The following GRID2 variants were observed in gnomAD, a reference collection of about 807,000 sequenced individuals.
GRID2 encodes glutamate ionotropic receptor delta type subunit 2.
GRID2 carries 33 observed loss-of-function variants against 114.8 expected under a neutral mutation model. The observed-to-expected ratio is 0.29, with a 90% CI of 0.22 to 0.38. The LOEUF (loss-of-function observed/expected upper bound fraction) is 0.38, where lower values mean the gene tolerates loss of function less well. Among genes scored for constraint, GRID2 ranks in the 10% least tolerant of loss-of-function variants. The probability of loss-of-function intolerance (pLI) is 1.00; values close to 1 mark genes in which losing one functional copy is unlikely to be tolerated. For synonymous variants in GRID2, 505 were observed against 449.9 expected (o/e 1.12, Z -1.55); for missense variants, 1,184 against 1,257.7 (o/e 0.94, Z 0.89).
At chr4:93,220,615 C>G (rs1475206422) in intron 6 of GRID2, among the ~76,000 whole-genome samples, 1 of 152,100 alleles carries the variant, frequency 6.6e-6, no homozygotes, top group Non-Finnish European at 1.5e-5. Flanking sequence ...AATCTTCAAG[C>G]AATATTGATA....
chr4:93,126,213 C>T (rs916459542), intron 4 of GRID2, among the ~76,000 whole-genome samples: 4 of 151,974 alleles, frequency 2.6e-5, no homozygotes, highest in Non-Finnish European at 4.4e-5. Context: ...ACTACATGTT[C>T]TCTAATTTGG....
intron 1 of GRID2, among the ~76,000 whole-genome samples, chr4:92,506,526 T>C (rs896500915): frequency 2.0e-5 from 3 of 151,952 alleles, no homozygotes; most frequent in East Asian, 1.9e-4. Flanking sequence ...GTTGATTATA[T>C]TGGGAAAAGT....
At chr4:93,548,349 C>T (rs768298816) in intron 13 of GRID2, among the ~76,000 whole-genome samples, 65 of 152,122 alleles carry the variant, frequency 4.3e-4, no homozygotes, top group Non-Finnish European at 8.5e-4. Flanking sequence ...AAACTAGAGG[C>T]ACTTGAACGG....
chr4:92,914,174 A>C (rs936163647), intron 2 of GRID2, among the ~76,000 whole-genome samples: 4 of 152,162 alleles, frequency 2.6e-5, no homozygotes, highest in African/African-American at 4.8e-5. Context: ...GTACATATTT[A>C]ATAATGTATA....
At chr4:93,267,677 T>C (rs1373227446) in intron 8 of GRID2, among the ~76,000 whole-genome samples, 1 of 152,086 alleles carries the variant, frequency 6.6e-6, no homozygotes, top group East Asian at 1.9e-4. Flanking sequence ...CTCAGTCCAG[T>C]CCCACAAAGG....
chr4:92,599,028 CTTTTTTTT>C (rs79836874), intron 2 of GRID2, among the ~76,000 whole-genome samples: 1 of 115,290 alleles, frequency 8.7e-6, no homozygotes, highest in Non-Finnish European at 1.8e-5. Flanking sequence ...AATGCTTTTC[CTTTTTTTT>C]TTTTTTTTTT....
intron 1 of GRID2, among the ~76,000 whole-genome samples, chr4:92,559,606 G>C (rs751121966): frequency 3.3e-5 from 5 of 152,134 alleles, no homozygotes; most frequent in Non-Finnish European, 5.9e-5. Context: ...AGCAAGGTAT[G>C]AGTCAAAGAT....
chr4:93,730,914 GC>G (rs1730427217), intron 14 of GRID2, among the ~76,000 whole-genome samples: 1 of 152,196 alleles, frequency 6.6e-6, no homozygotes, highest in Non-Finnish European at 1.5e-5. Flanking sequence ...GAGGCCTGAG[GC>G]CTTGACTGCA....
intron 2 of GRID2, among the ~76,000 whole-genome samples, chr4:92,675,539 G>C (rs890305262): frequency 6.7e-6 from 1 of 148,170 alleles, no homozygotes; most frequent in African/African-American, 2.5e-5. Flanking sequence ...ACCAGTCTCT[G>C]TTTGGGCTAC....
chr4:92,688,666 C>T (rs969947004), intron 2 of GRID2, among the ~76,000 whole-genome samples: 18 of 152,280 alleles, frequency 1.2e-4, no homozygotes, highest in African/African-American at 3.8e-4. Flanking sequence ...GCTGTTTCCA[C>T]CACATCTGCA....
intron 8 of GRID2, chr4:93,302,714 T>C (rs1755008519): frequency 2.5e-6 from 1 of 393,020 alleles, no homozygotes; most frequent in Non-Finnish European, 5.0e-6. Flanking sequence ...CTATTATGCC[T>C]GTTTCCTATT....
intron 1 of GRID2, among the ~76,000 whole-genome samples, chr4:92,531,340 T>A (rs898423604): frequency 6.6e-6 from 1 of 152,062 alleles, no homozygotes; most frequent in Non-Finnish European, 1.5e-5. Context: ...GAACATAATG[T>A]AAAAACACAG....
intron 2 of GRID2, among the ~76,000 whole-genome samples, chr4:92,800,588 T>A (rs1335901157): frequency 6.6e-6 from 1 of 151,986 alleles, no homozygotes; most frequent in Non-Finnish European, 1.5e-5. Context: ...ATTACTGCTG[T>A]TTACAGCCAG....
At chr4:93,219,725 A>T (rs1484001443) in intron 6 of GRID2, among the ~76,000 whole-genome samples, 1 of 152,220 alleles carries the variant, frequency 6.6e-6, no homozygotes, top group African/African-American at 2.4e-5. Flanking sequence ...TTTGCAACAT[A>T]TGTAACAAGC....
At chr4:92,501,128 C>T (rs1723662417) in intron 1 of GRID2, among the ~76,000 whole-genome samples, 1 of 152,060 alleles carries the variant, frequency 6.6e-6, no homozygotes, top group Non-Finnish European at 1.5e-5. Context: ...GAGGGAAGGA[C>T]AACAGGAATG....
chr4:93,046,830 T>TG (rs1726186107), intron 2 of GRID2, among the ~76,000 whole-genome samples: 1 of 151,854 alleles, frequency 6.6e-6, no homozygotes, highest in African/African-American at 2.4e-5. Context: ...AAGAAATATA[T>TG]GCCCATACTG....
At chr4:92,882,570 A>C (rs1746106218) in intron 2 of GRID2, among the ~76,000 whole-genome samples, 1 of 152,122 alleles carries the variant, frequency 6.6e-6, no homozygotes, top group South Asian at 2.1e-4. Flanking sequence ...TCTGTTAATT[A>C]AAAATGAGAC....
chr4:93,459,537 A>G (rs1321702253), intron 11 of GRID2, among the ~76,000 whole-genome samples: 2 of 152,194 alleles, frequency 1.3e-5, no homozygotes, highest in Non-Finnish European at 2.9e-5. Flanking sequence ...GATGACAAGG[A>G]TGTTGATAGA....
At chr4:93,141,701 C>A (rs1340596717) in intron 4 of GRID2, among the ~76,000 whole-genome samples, 3 of 152,186 alleles carry the variant, frequency 2.0e-5, no homozygotes, top group Non-Finnish European at 4.4e-5. Context: ...TACATTTTTA[C>A]CTGACACTGG....
Sources: allele counts gnomAD v4.1 joint callset (sites outside exome capture counted in the v4.1 genomes callset), GRCh38; gene constraint gnomAD v4.1.1; transcripts MANE v1.5; gene names NCBI Gene and HGNC (gene_info 2026-07-23, HGNC 2026-07-21).